Variants in ENOX1 observed in about 807,000 individuals in gnomAD.
ENOX1 encodes candidate growth-related and time keeping constitutive hydroquinone (NADH) oxidase.
ENOX1 carries 42 observed loss-of-function variants against 82.5 expected under a neutral mutation model. The ratio of observed to expected loss-of-function variants is 0.51; its 90% CI spans 0.40 to 0.66. The LOEUF (loss-of-function observed/expected upper bound fraction) is 0.66. ENOX1 is among the 30% of genes least tolerant of loss of function. The pLI is 0.00. For missense variants in ENOX1, 608 were observed against 811.6 expected (o/e 0.75, Z 3.05); for synonymous variants, 271 against 282.2 (o/e 0.96, Z 0.40).
intron 11 of ENOX1, among the ~76,000 whole-genome samples, chr13:43,318,611 A>G (rs1200694045): frequency 6.6e-6 from 1 of 152,220 alleles, no homozygotes; most frequent in East Asian, 1.9e-4. Flanking sequence ...TCTCAGGGTT[A>G]TCATCCTCCT....
intron 1 of ENOX1, among the ~76,000 whole-genome samples, chr13:43,746,005 A>G (rs12184784): frequency 0.093 from 14,224 of 152,154 alleles, 1,101 homozygotes; most frequent in African/African-American, 0.21. Flanking sequence ...TATTAGCAGC[A>G]TGAGAATGGA....
At chr13:43,493,758 T>G (rs1328107577) in intron 2 of ENOX1, among the ~76,000 whole-genome samples, 1 of 152,190 alleles carries the variant, frequency 6.6e-6, no homozygotes, top group African/African-American at 2.4e-5. Context: ...ACAAGCTCAG[T>G]GCCTACTGAA....
At position 43,464,663 on chromosome 13, in the gene ENOX1, T is replaced by C. The variant is rs116577776; in HGVS notation, c.-75+19346A>G. The stretch of plus-strand genomic sequence containing the variant: ...GAGTTCCTACATACTCCTCCCCCAC[T>C]TTCCCCCACTGTTAACATCTCACAT... On this transcript the variant is annotated intron_variant, in intron 3 of 16. Coordinates refer to ENST00000690772, the MANE Select transcript of ENOX1 (RefSeq NM_001347969.2). 2.8e-3 allele frequency among the ~76,000 whole-genome samples: 434 copies of C among 152,318 alleles called. 1 individual carries two copies. Among genetic ancestry groups the C allele is most frequent in the African/African-American group, 0.01 (418 of 41,562 alleles).
At chr13:43,385,322 T>G (rs1156923689) in intron 5 of ENOX1, among the ~76,000 whole-genome samples, 2 of 152,028 alleles carry the variant, frequency 1.3e-5, no homozygotes, top group Non-Finnish European at 2.9e-5. Context: ...CCTAAATCAA[T>G]TCAAACCTTA....
intron 2 of ENOX1, among the ~76,000 whole-genome samples, chr13:43,609,074 G>A (rs561125073): frequency 1.3e-5 from 2 of 152,318 alleles, no homozygotes; most frequent in South Asian, 2.1e-4. Context: ...CAGGCACTCA[G>A]TAAGTGCTAG....
intron 2 of ENOX1, among the ~76,000 whole-genome samples, chr13:43,610,216 T>C (rs188167767): frequency 1.1e-4 from 17 of 152,338 alleles, no homozygotes; most frequent in Non-Finnish European, 2.1e-4. Flanking sequence ...TTGGCATTTA[T>C]GTAATATTTT....
chr13:43,408,216 G>A (rs2153596203), intron 5 of ENOX1, among the ~76,000 whole-genome samples: 1 of 152,318 alleles, frequency 6.6e-6, no homozygotes, highest in South Asian at 2.1e-4. Flanking sequence ...CCACAGTAAT[G>A]AGGGATTTGA....
chr13:43,556,617 A>G (rs1439249567), intron 2 of ENOX1, among the ~76,000 whole-genome samples: 4 of 152,082 alleles, frequency 2.6e-5, no homozygotes, highest in Non-Finnish European at 5.9e-5. Flanking sequence ...ACATTCATTC[A>G]TGATTAATTA....
At chr13:43,783,561 T>C (rs2153855538) in intron 1 of ENOX1, among the ~76,000 whole-genome samples, 1 of 152,314 alleles carries the variant, frequency 6.6e-6, no homozygotes, top group South Asian at 2.1e-4. Context: ...AGGGTCAGGC[T>C]AGAGCCTCAG....
At chr13:43,698,951 C>T (rs2086777775) in intron 1 of ENOX1, among the ~76,000 whole-genome samples, 1 of 152,210 alleles carries the variant, frequency 6.6e-6, no homozygotes, top group South Asian at 2.1e-4. Flanking sequence ...AAAAGCAAGA[C>T]TCTCTTTGGC....
intron 2 of ENOX1, among the ~76,000 whole-genome samples, chr13:43,583,008 C>T (rs1417606089): frequency 1.3e-5 from 2 of 152,096 alleles, no homozygotes; most frequent in Non-Finnish European, 2.9e-5. Flanking sequence ...CAGACAGACA[C>T]ACACACACGC....
At chr13:43,525,478 G>C (rs1434340903) in intron 2 of ENOX1, among the ~76,000 whole-genome samples, 4 of 152,064 alleles carry the variant, frequency 2.6e-5, no homozygotes, top group Admixed American at 6.6e-5. Flanking sequence ...ATCCATGTTG[G>C]TTCTTTGGCC....
chr13:43,548,887 C>T (rs2079075990), intron 2 of ENOX1, among the ~76,000 whole-genome samples: 1 of 152,148 alleles, frequency 6.6e-6, no homozygotes, highest in Admixed American at 6.5e-5. Flanking sequence ...ATATTACCTT[C>T]TGCAAAAGCG....
At chr13:43,718,880 TAAAAAAGAATGCAC>T (rs2088353085) in intron 1 of ENOX1, among the ~76,000 whole-genome samples, 1 of 152,090 alleles carries the variant, frequency 6.6e-6, no homozygotes, top group African/African-American at 2.4e-5. Flanking sequence ...TTTATAGTTT[TAAAAAAGAATGCAC>T]AAGATCTCTA....
At chr13:43,464,358 A>G (rs1020254107) in intron 3 of ENOX1, among the ~76,000 whole-genome samples, 5 of 152,178 alleles carry the variant, frequency 3.3e-5, no homozygotes, top group Admixed American at 6.5e-5. Flanking sequence ...CCCAGAAGAT[A>G]TGTTGAGGAG....
chr13:43,588,884 A>G (rs2081112788), intron 2 of ENOX1, among the ~76,000 whole-genome samples: 1 of 152,218 alleles, frequency 6.6e-6, no homozygotes, highest in South Asian at 2.1e-4. Flanking sequence ...TCAATTATCA[A>G]GTCTTGGTGT....
At chr13:43,782,863 C>T (rs1470762590) in intron 1 of ENOX1, among the ~76,000 whole-genome samples, 2 of 152,160 alleles carry the variant, frequency 1.3e-5, no homozygotes, top group African/African-American at 4.8e-5. Flanking sequence ...GCACTATCAC[C>T]TCTCTCAGAG....
intron 2 of ENOX1, among the ~76,000 whole-genome samples, chr13:43,658,235 T>C (rs2084540293): frequency 6.6e-6 from 1 of 152,232 alleles, no homozygotes; most frequent in South Asian, 2.1e-4. Flanking sequence ...AATGAATGTC[T>C]CCAGCTTCCT....
intron 2 of ENOX1, among the ~76,000 whole-genome samples, chr13:43,562,518 C>T (rs1000633155): frequency 2.0e-5 from 3 of 152,070 alleles, no homozygotes; most frequent in East Asian, 1.9e-4. Context: ...GCAGTAAGTC[C>T]TTACTTACCA....
Sources: allele counts gnomAD v4.1 joint callset (sites outside exome capture counted in the v4.1 genomes callset), GRCh38; gene constraint gnomAD v4.1.1; transcripts MANE v1.5; gene names NCBI Gene and HGNC (gene_info 2026-07-23, HGNC 2026-07-21).